The following RGR variants were observed in gnomAD, a reference collection of about 807,000 sequenced individuals.
RGR encodes the protein retinal G protein coupled receptor.
In RGR, 30 loss-of-function variants were observed where a neutral mutation model predicts 28.6. The ratio of observed to expected loss-of-function variants is 1.05; its 90% CI spans 0.78 to 1.42. The LOEUF (loss-of-function observed/expected upper bound fraction) is 1.42, where lower values mean the gene tolerates loss of function less well. Among genes scored for constraint, RGR ranks in the 40% most tolerant of loss-of-function variants. RGR has a pLI of 0.00. For synonymous variants in RGR, 180 were observed against 156.4 expected (o/e 1.15, Z -1.13); for missense variants, 404 against 375.6 (o/e 1.08, Z -0.62).
At position 84,258,727 on chromosome 10, in the gene RGR, C is replaced by G; in HGVS notation, c.*88C>G. 2 of 1,580,660 alleles carry G rather than the reference C, an allele frequency of 1.3e-6. No individual in the cohort carries two copies. The highest frequency in any genetic ancestry group is 1.7e-6 in the Non-Finnish European group (2 of 1,159,178). On this transcript the variant is annotated 3_prime_UTR_variant, in exon 7 of 7. Coordinates refer to ENST00000652092, the MANE Select transcript of RGR (RefSeq NM_001012720.2). ...TCAGTGGCCAAGCCCAGACACTCAC[C>G]CACCTTCCCCAGTGGCCCCGTGGAT...
rs777148253 is a variant in RGR at position 84,254,391 on chromosome 10, T to A, written c.578T>A (p.Ile193Asn). Residue 193 changes from isoleucine to asparagine, a missense_variant, in exon 5 of 7, where the codon ATC becomes AAC. By Grantham distance (149) the Ile-to-Asn change is moderately radical. Transcript: ENST00000652092. ...TTCGCCATGCCCCTCTTCATCACGA[T>A]CACTTCCTACAGTCTCATGGAGCAG... ...FNFAMPLFITITSYSLMEQKL... is the reference protein window; with the variant it reads ...FNFAMPLFITNTSYSLMEQKL... The A allele has an allele frequency of 6.2e-7, 1 of 1,614,150 alleles. No homozygotes were observed. The highest frequency in any genetic ancestry group is 1.1e-5 in the South Asian group (1 of 91,058).
chr10:84,250,323 G>C (rs779739116), intron 3 of RGR: 1 of 716,798 alleles, frequency 1.4e-6, no homozygotes. Context: ...CACATGTATA[G>C]CCCCCTTCCC....
intron 4 of RGR, 128 bp from the exon 5 acceptor site, chr10:84,254,198 A>C: frequency 1.2e-6 from 1 of 837,598 alleles, no homozygotes; most frequent in Non-Finnish European, 2.1e-6. Flanking sequence ...GGGAGCAACC[A>C]CACTGCGAGC....
intron 1 of RGR, 71 bp from the exon 2 acceptor site, chr10:84,247,520 C>T (rs942916137): frequency 6.4e-7 from 1 of 1,567,586 alleles, no homozygotes; most frequent in Non-Finnish European, 8.8e-7. Flanking sequence ...GTTCCATCCA[C>T]CCCACACACA....
chr10:84,256,059 C>T (rs950631862), intron 5 of RGR, among the ~76,000 whole-genome samples: 2,916 of 53,070 alleles, frequency 0.055, no homozygotes, highest in Middle Eastern at 0.14. Flanking sequence ...TTTTTCCTTT[C>T]TTTTTTTTTT....
At chr10:84,252,776 G>A (rs878875886) in intron 3 of RGR, 81 bp from the exon 4 acceptor site, 151 of 1,558,448 alleles carry the variant, frequency 9.7e-5, no homozygotes, top group South Asian at 9.6e-4. Flanking sequence ...GACACTCTTC[G>A]AGATCAGGAA....
intron 3 of RGR, 107 bp from the exon 4 acceptor site, chr10:84,252,750 G>A: frequency 7.1e-7 from 1 of 1,406,116 alleles, no homozygotes; most frequent in African/African-American, 1.4e-5. Context: ...ACTGAGGCTG[G>A]TGGATCACTT....
chr10:84,247,517 C>G, intron 1 of RGR, 74 bp from the exon 2 acceptor site: 1 of 1,555,692 alleles, frequency 6.4e-7, no homozygotes, highest in Non-Finnish European at 8.9e-7. Context: ...GATGTTCCAT[C>G]CACCCCACAC....
At chr10:84,248,426 C>A (rs1037925058) in intron 2 of RGR, 4 of 232,102 alleles carry the variant, frequency 1.7e-5, no homozygotes, top group Non-Finnish European at 2.6e-5. Flanking sequence ...CTGGAGCCCC[C>A]CCGGATGTGC....
At chr10:84,245,259 G>A in intron 1 of RGR, 90 bp downstream of exon 1, 2 of 1,338,816 alleles carry the variant, frequency 1.5e-6, no homozygotes, top group South Asian at 2.6e-5. Flanking sequence ...GAGAGGAGAG[G>A]TCCCCAAACC....
At position 84,258,657 on chromosome 10, in the gene RGR, G is replaced by A; in HGVS notation, c.*18G>A. On this transcript the variant is annotated 3_prime_UTR_variant, in exon 7 of 7. Coordinates refer to ENST00000652092, the MANE Select transcript of RGR (RefSeq NM_001012720.2). Reference sequence around the variant, plus strand: ...CCAAGTGAGCCTGCCACCCTGGAGTGAGCCCCAGGCCAGGAGGCTGTTCCA... The same window carrying A: ...CCAAGTGAGCCTGCCACCCTGGAGTAAGCCCCAGGCCAGGAGGCTGTTCCA... The A allele has an allele frequency of 1.2e-6, 2 of 1,613,932 alleles. No homozygotes were observed. The highest frequency in any genetic ancestry group is 2.2e-5 in the East Asian group (1 of 44,848).
At chr10:84,248,516 G>T in intron 2 of RGR, 1 of 314,714 alleles carries the variant, frequency 3.2e-6, no homozygotes, top group South Asian at 3.2e-5. Flanking sequence ...TTCCACCTTT[G>T]CTTGCCCTTT....
At chr10:84,254,143 C>T (rs891823901) in intron 4 of RGR, among the ~76,000 whole-genome samples, 183 bp from the exon 5 acceptor site, 2 of 152,190 alleles carry the variant, frequency 1.3e-5, no homozygotes, top group Non-Finnish European at 2.9e-5. Flanking sequence ...AGGCCTCTTC[C>T]TCCTTGTAGC....
At chr10:84,256,735 G>GC (rs962268906) in intron 5 of RGR, among the ~76,000 whole-genome samples, 1 of 152,160 alleles carries the variant, frequency 6.6e-6, no homozygotes, top group Non-Finnish European at 1.5e-5. Flanking sequence ...GTCTGGAGGT[G>GC]CAAAGTTCAC....
At chr10:84,257,500 C>G (rs1033675568) in intron 5 of RGR, among the ~76,000 whole-genome samples, 5 of 152,056 alleles carry the variant, frequency 3.3e-5, no homozygotes, top group Non-Finnish European at 7.4e-5. Flanking sequence ...GTTGGGAGGC[C>G]GAGGCAGGAG....
In RGR at chr10:84,258,741, G is replaced by A; in HGVS notation, c.*102G>A. 6.7e-7 allele frequency: 1 copy of A among 1,486,926 alleles called. No homozygotes were observed. Among genetic ancestry groups the A allele is most frequent in the South Asian group, 1.2e-5 (1 of 86,500 alleles). The allele number at this position is 1,486,926 out of a possible 1,614,324, so 92.1% of individuals were successfully genotyped here. A position where few individuals can be genotyped will look rare whatever the true frequency, so the allele number is the denominator to read the frequency against. On this transcript the variant is annotated 3_prime_UTR_variant, in exon 7 of 7. Coordinates refer to ENST00000652092, the MANE Select transcript of RGR (RefSeq NM_001012720.2). ...CAGACACTCACCCACCTTCCCCAGTGGCCCCGTGGATCCTGGTCCTAGGCT... is the reference window on the plus strand; with the variant it reads ...CAGACACTCACCCACCTTCCCCAGTAGCCCCGTGGATCCTGGTCCTAGGCT...
At position 84,258,989 on chromosome 10, in the gene RGR, G is replaced by A. The variant is rs575173402; in HGVS notation, c.*350G>A. On this transcript the variant is annotated 3_prime_UTR_variant, in exon 7 of 7. Coordinates refer to ENST00000652092, the MANE Select transcript of RGR (RefSeq NM_001012720.2). ...TGTAACCATCACCCTAATAATATAC[G>A]TTGTACCCATTAAGTTATTTCTCAT... 2.6e-5 allele frequency: 9 copies of A among 340,344 alleles called. No individual in the cohort carries two copies. The highest frequency in any genetic ancestry group is 1.1e-3 in the Middle Eastern group (1 of 952). The allele number at this position is 340,344 out of a possible 1,614,324, so 21.1% of individuals were successfully genotyped here. A position where few individuals can be genotyped will look rare whatever the true frequency, so the allele number is the denominator to read the frequency against.
chr10:84,250,685 A>G (rs1478009916), intron 3 of RGR: 3 of 485,948 alleles, frequency 6.2e-6, no homozygotes, highest in African/African-American at 1.9e-5. Context: ...GGCAAAGGGG[A>G]ATGAGGAGGT....
intron 5 of RGR, among the ~76,000 whole-genome samples, chr10:84,254,750 T>C (rs571797678): frequency 2.0e-5 from 3 of 152,344 alleles, no homozygotes; most frequent in African/African-American, 7.2e-5. Context: ...GGGTTGCTTA[T>C]GTTACTTTGG....
Sources: gnomAD v4.1 joint callset for allele counts (sites outside exome capture counted in the v4.1 genomes callset) on GRCh38, gnomAD v4.1.1 for gene constraint, MANE v1.5 for transcripts, NCBI Gene and HGNC (gene_info 2026-07-23, HGNC 2026-07-21) for gene names.